The following KCTD3 variants were observed in gnomAD, a reference collection of about 807,000 sequenced individuals.
KCTD3 encodes BTB/POZ domain-containing protein KCTD3.
In KCTD3, 41 loss-of-function variants were observed where a neutral mutation model predicts 85.8. The ratio of observed to expected loss-of-function variants is 0.48; its 90% CI spans 0.37 to 0.62. The LOEUF (loss-of-function observed/expected upper bound fraction) is 0.62. KCTD3 is among the 20% of genes least tolerant of loss of function. The probability of loss-of-function intolerance (pLI) is 0.00; values close to 1 mark genes in which losing one functional copy is unlikely to be tolerated. For missense variants in KCTD3, 724 were observed against 989.9 expected (o/e 0.73, Z 3.60); for synonymous variants, 338 against 345.4 (o/e 0.98, Z 0.24).
intron 9 of KCTD3, among the ~76,000 whole-genome samples, chr1:215,594,477 C>T (rs942334144): frequency 6.6e-6 from 1 of 152,146 alleles, no homozygotes; most frequent in African/African-American, 2.4e-5. Context: ...CCTGAGCTTG[C>T]CCATATTCAG....
chr1:215,578,148 T>C, intron 6 of KCTD3, 67 bp downstream of exon 6: 2 of 1,232,840 alleles, frequency 1.6e-6, no homozygotes, highest in East Asian at 2.3e-5. Flanking sequence ...AGCATATGAA[T>C]AGGAAAAACT....
At chr1:215,581,139 G>A (rs766469105) in intron 8 of KCTD3, 8 of 278,134 alleles carry the variant, frequency 2.9e-5, no homozygotes, top group African/African-American at 6.9e-5. Flanking sequence ...CCAGCTACTC[G>A]GGAGGCTGAG....
chr1:215,612,273 C>T (rs988662796), intron 15 of KCTD3, among the ~76,000 whole-genome samples: 3 of 152,156 alleles, frequency 2.0e-5, no homozygotes, highest in African/African-American at 7.2e-5. Context: ...CCATATAAAT[C>T]TGTATACATT....
chr1:215,620,029 A>G, intron 17 of KCTD3, 28 bp from the exon 18 acceptor site: 1 of 1,519,492 alleles, frequency 6.6e-7, no homozygotes, highest in Non-Finnish European at 8.8e-7. Flanking sequence ...TGAAATCTGA[A>G]CTGTCATTTT....
chr1:215,604,167 A>T lies in KCTD3; in HGVS notation c.1174A>T (p.Thr392Ser). Residue 392 changes from threonine (T) to serine (S), a missense_variant, in exon 13 of 18, where the codon ACG becomes TCG. This residue lies in a region of KCTD3 where 146 missense variants were observed against 320.3 expected (regional missense o/e 0.46). Coordinates refer to ENST00000259154, the MANE Select transcript of KCTD3 (RefSeq NM_016121.5). Reference sequence around the variant, plus strand: ...TAACTGGATCGAGATCGCCTATGGTACGAGCTCTGGAGCAGTACGAGTGAT... The same window carrying T: ...TAACTGGATCGAGATCGCCTATGGTTCGAGCTCTGGAGCAGTACGAGTGAT... ...SGNWIEIAYG[T>S]SSGAVRVIVQ... 6.2e-7 allele frequency: 1 copy of T among 1,613,690 alleles called. No homozygotes were observed. The highest frequency in any genetic ancestry group is 8.5e-7 in the Non-Finnish European group (1 of 1,179,808).
At chr1:215,608,956 G>A (rs1311609254) in intron 14 of KCTD3, among the ~76,000 whole-genome samples, 2 of 151,866 alleles carry the variant, frequency 1.3e-5, no homozygotes, top group African/African-American at 2.4e-5. Flanking sequence ...AATATTTATC[G>A]AGTACTTGTG....
At chr1:215,569,125 CTTT>C (rs397964441) in intron 1 of KCTD3, among the ~76,000 whole-genome samples, 6 of 139,022 alleles carry the variant, frequency 4.3e-5, no homozygotes, top group Non-Finnish European at 4.7e-5. Flanking sequence ...CTTTAATTTT[CTTT>C]TTTTTTTTTT....
At chr1:215,586,370 G>A in intron 8 of KCTD3, 125 bp from the exon 9 acceptor site, 1 of 739,216 alleles carries the variant, frequency 1.4e-6, no homozygotes, top group East Asian at 2.6e-5. Flanking sequence ...TAGGAAGGTG[G>A]ATGGGTAACT....
At chr1:215,595,553 C>T (rs944328321) in intron 10 of KCTD3, 82 bp downstream of exon 10, 19 of 860,684 alleles carry the variant, frequency 2.2e-5, no homozygotes, top group Non-Finnish European at 2.0e-5. Flanking sequence ...TTGTAGAATT[C>T]GTACTGTTTC....
intron 6 of KCTD3, 65 bp from the exon 7 acceptor site, chr1:215,578,935 T>G: frequency 8.9e-7 from 1 of 1,127,286 alleles, no homozygotes; most frequent in Non-Finnish European, 1.2e-6. Context: ...TTTGTCACAA[T>G]GTGATATTTT....
intron 14 of KCTD3, among the ~76,000 whole-genome samples, chr1:215,611,128 C>A (rs1655221875): frequency 6.6e-6 from 1 of 151,804 alleles, no homozygotes. Context: ...TGTTCAGGAT[C>A]TTTCTAAAAT....
intron 1 of KCTD3, among the ~76,000 whole-genome samples, chr1:215,567,984 T>C (rs1432399409): frequency 1.3e-5 from 2 of 152,138 alleles, no homozygotes; most frequent in Non-Finnish European, 2.9e-5. Context: ...ACGCTTGGAA[T>C]TACCGAGGAC....
At chr1:215,613,173 G>A (rs1451826150) in intron 15 of KCTD3, among the ~76,000 whole-genome samples, 1 of 152,034 alleles carries the variant, frequency 6.6e-6, no homozygotes, top group Non-Finnish European at 1.5e-5. Context: ...TCAAACAAAT[G>A]AAAAAAGTAA....
intron 8 of KCTD3, 90 bp downstream of exon 8, chr1:215,580,089 T>G (rs759855963): frequency 6.1e-5 from 51 of 830,346 alleles, no homozygotes; most frequent in Non-Finnish European, 9.2e-5. Flanking sequence ...AAGCTATTTT[T>G]TTTTAGTCAT....
chr1:215,599,283 A>C (rs944634320), intron 10 of KCTD3, among the ~76,000 whole-genome samples: 1 of 152,194 alleles, frequency 6.6e-6, no homozygotes, highest in Non-Finnish European at 1.5e-5. Flanking sequence ...TGCATTAAGC[A>C]GTGATTAGGA....
intron 10 of KCTD3, among the ~76,000 whole-genome samples, 199 bp downstream of exon 10, chr1:215,595,670 GTT>G (rs1394797397): frequency 6.6e-6 from 1 of 152,124 alleles, no homozygotes; most frequent in African/African-American, 2.4e-5. Flanking sequence ...AAATAAGTGA[GTT>G]TTTTAAACTG....
At chr1:215,594,468 C>G (rs1197114287) in intron 9 of KCTD3, among the ~76,000 whole-genome samples, 2 of 152,186 alleles carry the variant, frequency 1.3e-5, no homozygotes, top group Admixed American at 6.5e-5. Flanking sequence ...CTCTGATTCC[C>G]TGAGCTTGCC....
rs777819516 is a variant in KCTD3, at chr1:215,620,076, G to A, written c.1906G>A (p.Asp636Asn). 1 of 1,595,302 alleles carries A rather than the reference G, an allele frequency of 6.3e-7. No homozygotes were observed. Among genetic ancestry groups the A allele is most frequent in the South Asian group, 1.1e-5 (1 of 87,370 alleles). Reference sequence around the variant, plus strand: ...TTTCAGCCTTCAGCTTCAGCACCATGATACCACCCATGAAGCAGCTACTTA... The same window carrying A: ...TTTCAGCCTTCAGCTTCAGCACCATAATACCACCCATGAAGCAGCTACTTA... ...SNSSLQLQHH[D>N]TTHEAATYGS... is the part of the protein sequence containing the mutation. The change falls in exon 18 of 18, where the codon GAT becomes AAT. Residue 636 changes from aspartate (D) to asparagine (N), a missense_variant. By Grantham distance (23) the Asp-to-Asn change is conservative. Coordinates refer to ENST00000259154, the MANE Select transcript of KCTD3 (RefSeq NM_016121.5).
chr1:215,570,025 C>T (rs979981675), intron 1 of KCTD3, among the ~76,000 whole-genome samples: 4 of 152,150 alleles, frequency 2.6e-5, no homozygotes, highest in African/African-American at 9.7e-5. Context: ...CATTTTAGAG[C>T]TAGATGAGAT....
Sources: allele counts gnomAD v4.1 joint callset (sites outside exome capture counted in the v4.1 genomes callset), GRCh38; gene constraint gnomAD v4.1.1; regional missense constraint gnomAD v4.1.1; transcripts MANE v1.5; gene names NCBI Gene and HGNC (gene_info 2026-07-23, HGNC 2026-07-21).